The following PLPPR5 variants were observed in gnomAD, a reference collection of about 807,000 sequenced individuals.
The protein encoded by PLPPR5 is phospholipid phosphatase-related protein type 5.
Under a neutral mutation model 33.9 loss-of-function variants are expected in PLPPR5, and 16 were observed. The ratio of observed to expected loss-of-function variants is 0.47; its 90% CI spans 0.32 to 0.72. PLPPR5 has a LOEUF of 0.72. Among genes scored for constraint, PLPPR5 ranks in the 30% least tolerant of loss-of-function variants. PLPPR5 has a pLI of 0.03. For synonymous variants in PLPPR5, 163 were observed against 150.3 expected (o/e 1.08, Z -0.62); for missense variants, 301 against 406.7 (o/e 0.74, Z 2.23).
intron 4 of PLPPR5, among the ~76,000 whole-genome samples, chr1:98,920,593 C>CAAAAAAAAAAAAAGAAAAAAAAAAAAAAA (rs1649512294): frequency 1.4e-5 from 1 of 69,014 alleles, no homozygotes; most frequent in African/African-American, 4.7e-5. Flanking sequence ...GTGGTATCAC[C>CAAAAAAAAAAAAAGAAAAAAAAAAAAAAA]AAAAAAAAAA....
At chr1:99,005,243 C>T (rs1038225161), upstream of PLPPR5, among the ~76,000 whole-genome samples, 15 of 152,134 alleles carry the variant, frequency 9.9e-5, no homozygotes, top group African/African-American at 3.6e-4. Flanking sequence ...GTTTAAGAAA[C>T]CCGCACAACG....
At position 98,958,835 on chromosome 1, in the gene PLPPR5, C is replaced by T. The variant is rs138200572; in HGVS notation, c.238-2094G>A. Among the ~76,000 whole-genome samples the T allele has an allele frequency of 2.6e-3, 400 of 152,182 alleles. 2 individuals carry two copies. Among genetic ancestry groups the T allele is most frequent in the African/African-American group, 9.2e-3 (381 of 41,518 alleles). On this transcript the variant is annotated intron_variant, in intron 1 of 5. Coordinates refer to ENST00000263177, the MANE Select transcript of PLPPR5 (RefSeq NM_001037317.2). ...AATGTTTCAAATTCTAACAATGCAT[C>T]ATCCACTCCACTTCATGAGCTGACC...
chr1:98,918,368 T>TATTA (rs2101156950), intron 4 of PLPPR5, among the ~76,000 whole-genome samples: 1 of 152,342 alleles, frequency 6.6e-6, no homozygotes, highest in Non-Finnish European at 1.5e-5. Context: ...GCACAATAAC[T>TATTA]ATTATTGTTG....
chr1:98,917,534 T>G (rs533371386), intron 4 of PLPPR5, among the ~76,000 whole-genome samples: 9 of 152,324 alleles, frequency 5.9e-5, no homozygotes, highest in Non-Finnish European at 1.2e-4. Flanking sequence ...GCCCCACTTT[T>G]GCAGCCTTCC....
intron 1 of PLPPR5, among the ~76,000 whole-genome samples, chr1:98,985,342 G>A (rs983893771): frequency 2.0e-4 from 30 of 152,108 alleles, no homozygotes; most frequent in African/African-American, 6.5e-4. Context: ...ACAGAGTCAC[G>A]TGCTGCATAA....
intron 1 of PLPPR5, among the ~76,000 whole-genome samples, chr1:99,001,824 G>A (rs1233670164): frequency 6.6e-6 from 1 of 151,362 alleles, no homozygotes; most frequent in Non-Finnish European, 1.5e-5. Context: ...ACACTTGAGA[G>A]TATGACAGAG....
At chr1:98,958,123 A>C (rs1651082518) in intron 1 of PLPPR5, among the ~76,000 whole-genome samples, 1 of 152,242 alleles carries the variant, frequency 6.6e-6, no homozygotes, top group South Asian at 2.1e-4. Context: ...CAGTGTGTCT[A>C]CTAATTTGTC....
chr1:98,957,603 T>C lies in PLPPR5; in HGVS notation c.238-862A>G, dbSNP rs537113247. 4.5e-4 allele frequency among the ~76,000 whole-genome samples: 68 copies of C among 152,226 alleles called. 1 individual carries two copies. In the South Asian group the frequency reaches 0.011, roughly 24 times the overall value. On this transcript the variant is annotated intron_variant, in intron 1 of 5. Transcript: ENST00000263177. ...ACACACATACTAATTTAAAATCATATTAATACTTTTATAAATAAGAAAAAA... is the reference window on the plus strand; with the variant it reads ...ACACACATACTAATTTAAAATCATACTAATACTTTTATAAATAAGAAAAAA...
At chr1:98,916,053 T>G (rs546312942) in intron 4 of PLPPR5, among the ~76,000 whole-genome samples, 1 of 152,310 alleles carries the variant, frequency 6.6e-6, no homozygotes, top group Admixed American at 6.5e-5. Context: ...CATTTACATT[T>G]CATATTTTCA....
intron 3 of PLPPR5, among the ~76,000 whole-genome samples, chr1:98,943,845 T>C (rs1655453344): frequency 6.6e-6 from 1 of 152,096 alleles, no homozygotes; most frequent in South Asian, 2.1e-4. Context: ...CCAACTAATA[T>C]TGGCCATTGA....
intron 1 of PLPPR5, among the ~76,000 whole-genome samples, chr1:98,980,876 C>A (rs1198228061): frequency 1.3e-5 from 2 of 151,998 alleles, no homozygotes; most frequent in African/African-American, 4.8e-5. Flanking sequence ...CATAATTGCA[C>A]AAATATTTAT....
In PLPPR5 at chr1:98,956,694, C is replaced by A; in HGVS notation, c.285G>T (p.Arg95Ser). The A allele has an allele frequency of 5.0e-6, 8 of 1,597,944 alleles. No homozygotes were observed. The highest frequency in any genetic ancestry group is 6.0e-6 in the Non-Finnish European group (7 of 1,173,780). The part of the protein sequence containing the change: ...TAVFCLQLAT[R>S]DFENQEKTIL... ...TAGTTTTTTCCTGGTTTTCAAAATCCCTTGTGGCTAGTTGTAGGCAAAAGA... is the reference window on the plus strand; with the variant it reads ...TAGTTTTTTCCTGGTTTTCAAAATCACTTGTGGCTAGTTGTAGGCAAAAGA... Residue 95 changes from arginine (R) to serine (S), a missense_variant, in exon 2 of 6, where the codon AGG becomes AGT. Coordinates refer to ENST00000263177, the MANE Select transcript of PLPPR5 (RefSeq NM_001037317.2).
rs141956334 is a variant in PLPPR5 at position 98,993,385 on chromosome 1, A to C, written c.237+11050T>G. 1.5e-3 allele frequency among the ~76,000 whole-genome samples: 227 copies of C among 152,224 alleles called. 2 individuals carry two copies. The East Asian group carries it at 0.026, about 18-fold the overall frequency. On this transcript the variant is annotated intron_variant, in intron 1 of 5. Coordinates refer to ENST00000263177, the MANE Select transcript of PLPPR5 (RefSeq NM_001037317.2). ...ATTCTCATATCTGTATTCTAGATTT[A>C]GCCCAGGAAAAATAAAAAGGGAACC...
intron 3 of PLPPR5, among the ~76,000 whole-genome samples, chr1:98,932,912 CCA>C (rs1328149062): frequency 1.3e-5 from 2 of 152,132 alleles, no homozygotes; most frequent in Non-Finnish European, 2.9e-5. Context: ...TACTACAGCT[CCA>C]CACTCCTTTA....
At chr1:98,896,199 C>G (rs1427717771) in intron 5 of PLPPR5, among the ~76,000 whole-genome samples, 2 of 151,992 alleles carry the variant, frequency 1.3e-5, no homozygotes, top group East Asian at 3.9e-4. Flanking sequence ...TACAGATGGC[C>G]TAATTCCTGT....
At chr1:98,964,860 A>G (rs940065808) in intron 1 of PLPPR5, among the ~76,000 whole-genome samples, 2 of 152,022 alleles carry the variant, frequency 1.3e-5, no homozygotes, top group African/African-American at 4.8e-5. Context: ...GTGGAGTGCC[A>G]TGGTGCAATC....
At chr1:98,981,575 T>C (rs2100752524) in intron 1 of PLPPR5, among the ~76,000 whole-genome samples, 1 of 152,144 alleles carries the variant, frequency 6.6e-6, no homozygotes, top group Admixed American at 6.5e-5. Flanking sequence ...TCAGGATTAG[T>C]TAAAAATATA....
chr1:98,951,768 CAT>C (rs1485669139), intron 3 of PLPPR5, among the ~76,000 whole-genome samples: 1 of 152,132 alleles, frequency 6.6e-6, no homozygotes, highest in African/African-American at 2.4e-5. Flanking sequence ...TTAGAAATAA[CAT>C]GATTGTATTG....
chr1:98,972,880 G>T (rs936133280), intron 1 of PLPPR5, among the ~76,000 whole-genome samples: 1 of 152,028 alleles, frequency 6.6e-6, no homozygotes. Flanking sequence ...GGATGCTTCT[G>T]AAATAGGAGT....
Sources: allele counts gnomAD v4.1 joint callset (sites outside exome capture counted in the v4.1 genomes callset), GRCh38; gene constraint gnomAD v4.1.1; transcripts MANE v1.5; gene names NCBI Gene and HGNC (gene_info 2026-07-23, HGNC 2026-07-21).